The following PREX2 variants were observed in gnomAD, a reference collection of about 807,000 sequenced individuals.
The protein encoded by PREX2 is phosphatidylinositol 3,4,5-trisphosphate-dependent Rac exchanger 2 protein.
PREX2 carries 107 observed loss-of-function variants against 203.2 expected under a neutral mutation model. The observed-to-expected ratio is 0.53, with a 90% CI of 0.45 to 0.62. The LOEUF (loss-of-function observed/expected upper bound fraction) is 0.62, where lower values mean the gene tolerates loss of function less well. PREX2 is among the 20% of genes least tolerant of loss of function. The probability of loss-of-function intolerance (pLI) is 0.00; values close to 1 mark genes in which losing one functional copy is unlikely to be tolerated. For synonymous variants in PREX2, 672 were observed against 663.6 expected (o/e 1.01, Z -0.19); for missense variants, 1,777 against 1,955.9 (o/e 0.91, Z 1.72).
intron 21 of PREX2, among the ~76,000 whole-genome samples, chr8:68,095,940 C>A (rs1046585876): frequency 1.3e-5 from 2 of 152,032 alleles, no homozygotes; most frequent in African/African-American, 4.8e-5. Flanking sequence ...TGGCGCCTAG[C>A]CTGTATTTCT....
intron 14 of PREX2, among the ~76,000 whole-genome samples, chr8:68,077,171 T>C (rs767166613): frequency 4.6e-5 from 7 of 152,252 alleles, no homozygotes; most frequent in Non-Finnish European, 7.3e-5. Context: ...AGTATGTTTG[T>C]TTCTCAAGAA....
intron 35 of PREX2, among the ~76,000 whole-genome samples, chr8:68,174,509 C>A (rs1811941219): frequency 6.6e-6 from 1 of 152,092 alleles, no homozygotes; most frequent in African/African-American, 2.4e-5. Flanking sequence ...GTTAGAATGA[C>A]ATCCATTTCA....
intron 37 of PREX2, 47 bp from the exon 38 acceptor site, chr8:68,217,569 T>C (rs780758883): frequency 1.5e-6 from 2 of 1,338,078 alleles, no homozygotes; most frequent in Non-Finnish European, 2.2e-6. Context: ...TCTCAAAGGG[T>C]GTATCAGGAA....
At chr8:68,105,629 C>T in intron 23 of PREX2, 1 of 985,030 alleles carries the variant, frequency 1.0e-6, no homozygotes, top group South Asian at 4.2e-5. Flanking sequence ...TGTATATATA[C>T]AGTCATGCAC....
At chr8:68,064,325 A>G (rs1482786071) in intron 11 of PREX2, among the ~76,000 whole-genome samples, 1 of 152,144 alleles carries the variant, frequency 6.6e-6, no homozygotes. Context: ...TTATATAAAC[A>G]TGTAAGTGCA....
At position 68,199,437 on chromosome 8, in the gene PREX2, G is replaced by C. The variant is rs1426893207; in HGVS notation, c.4604+6912G>C. ...TATTTTCACATTTAACAATGCTGCA[G>C]ACTGGGGTTGAATTACCAAGGCTCT... On this transcript the variant is annotated intron_variant, in intron 37 of 39. Coordinates refer to ENST00000288368, the MANE Select transcript of PREX2 (RefSeq NM_024870.4). Among the ~76,000 whole-genome samples, 6 of 152,194 alleles carry C rather than the reference G, an allele frequency of 3.9e-5. No homozygotes were observed. In the East Asian group the frequency reaches 7.7e-4, roughly 20 times the overall value.
Position 68,073,684 on chromosome 8 carries a change from T to A in PREX2, c.1569+1114T>A, listed in dbSNP as rs535763600. Among the ~76,000 whole-genome samples, 171 of 152,322 alleles carry A rather than the reference T, an allele frequency of 1.1e-3. 3 individuals are homozygous for A. The South Asian group carries it at 0.035, about 31-fold the overall frequency. ...CAGTGGCTTTTCTAGCATCAGAGCC[T>A]TTCATAACACTGTGGGCAATGTGTG... On this transcript the variant is annotated intron_variant, in intron 14 of 39. Coordinates refer to ENST00000288368, the MANE Select transcript of PREX2 (RefSeq NM_024870.4).
intron 1 of PREX2, among the ~76,000 whole-genome samples, chr8:67,990,930 C>T (rs1348327726): frequency 1.3e-5 from 2 of 152,174 alleles, no homozygotes; most frequent in Non-Finnish European, 2.9e-5. Context: ...CCAAGATCCC[C>T]AGCAGCCTAC....
At position 68,236,429 on chromosome 8, in the gene PREX2, C is replaced by A. The variant is rs963139919; in HGVS notation, c.*5051C>A. ...TGTGTGGACATGTTTGATTTGAAAA[C>A]CTTCGTGGTGTCTCTGTGTGTTATT... On this transcript the variant is annotated 3_prime_UTR_variant, in exon 40 of 40. Coordinates refer to ENST00000288368, the MANE Select transcript of PREX2 (RefSeq NM_024870.4). The A allele has an allele frequency of 6.6e-6, 1 of 152,134 alleles. No individual in the cohort carries two copies. Among genetic ancestry groups the A allele is most frequent in the African/African-American group, 2.4e-5 (1 of 41,430 alleles). 9.4% of individuals were successfully genotyped at this position (152,134 alleles called of 1,614,324 possible). A position where few individuals can be genotyped will look rare whatever the true frequency, so the allele number is the denominator to read the frequency against.
At chr8:68,082,856 C>A (rs1809573460) in intron 17 of PREX2, 1 of 163,158 alleles carries the variant, frequency 6.1e-6, no homozygotes, top group Non-Finnish European at 1.3e-5. Context: ...GATGTAGATA[C>A]AGAAGTTGAC....
intron 35 of PREX2, among the ~76,000 whole-genome samples, chr8:68,181,473 T>C (rs1317546228): frequency 6.6e-6 from 1 of 152,166 alleles, no homozygotes; most frequent in Non-Finnish European, 1.5e-5. Flanking sequence ...AATTCCATAC[T>C]GCTTCAGTTG....
At chr8:68,146,470 C>A in intron 34 of PREX2, 118 bp downstream of exon 34, 2 of 899,676 alleles carry the variant, frequency 2.2e-6, no homozygotes, top group Admixed American at 2.9e-5. Flanking sequence ...TATTATTTAG[C>A]CAATATATTT....
intron 1 of PREX2, among the ~76,000 whole-genome samples, chr8:68,017,458 A>G (rs1160635945): frequency 2.0e-5 from 3 of 152,244 alleles, no homozygotes; most frequent in Admixed American, 2.0e-4. Context: ...AATTTCGAAG[A>G]GGATCACTTC....
chr8:68,196,204 G>A (rs1243615807), intron 37 of PREX2, among the ~76,000 whole-genome samples: 2 of 151,684 alleles, frequency 1.3e-5, no homozygotes, highest in Admixed American at 1.3e-4. Flanking sequence ...TAGTGGCAGA[G>A]GAGTAGGCTG....
chr8:67,957,508 T>A (rs1162204763), intron 1 of PREX2, among the ~76,000 whole-genome samples: 19 of 152,156 alleles, frequency 1.2e-4, no homozygotes, highest in Non-Finnish European at 1.0e-4. Flanking sequence ...CTTTCTCAGA[T>A]TTGAGCTTTC....
At chr8:68,140,581 C>G (rs940890377) in intron 33 of PREX2, among the ~76,000 whole-genome samples, 1 of 152,120 alleles carries the variant, frequency 6.6e-6, no homozygotes, top group Non-Finnish European at 1.5e-5. Flanking sequence ...GGCTGCATGC[C>G]TTTGAGGGAG....
At chr8:68,114,159 G>A in intron 25 of PREX2, 3 of 277,300 alleles carry the variant, frequency 1.1e-5, no homozygotes, top group South Asian at 3.3e-5. Context: ...ACCGCGCCCG[G>A]CCCTTTTGTG....
intron 11 of PREX2, 143 bp downstream of exon 11, chr8:68,060,922 A>G (rs1808831522): frequency 3.3e-6 from 2 of 597,766 alleles, no homozygotes; most frequent in Non-Finnish European, 5.8e-6. Context: ...TAATAAGTGT[A>G]GAACAGTGTC....
chr8:68,193,912 A>T (rs1812344388), intron 37 of PREX2, among the ~76,000 whole-genome samples: 1 of 152,238 alleles, frequency 6.6e-6, no homozygotes, highest in Non-Finnish European at 1.5e-5. Flanking sequence ...GAATGTGCTT[A>T]TGAAAAATGG....
Sources: allele counts gnomAD v4.1 joint callset (sites outside exome capture counted in the v4.1 genomes callset), GRCh38; gene constraint gnomAD v4.1.1; transcripts MANE v1.5; gene names NCBI Gene and HGNC (gene_info 2026-07-23, HGNC 2026-07-21).